NUP35: variants seen among roughly 807,000 people sequenced by gnomAD.
The protein encoded by NUP35 is nucleoporin 35, also known as nucleoporin NUP35.
Under a neutral mutation model 41.5 loss-of-function variants are expected in NUP35, and 25 were observed. The ratio of observed to expected loss-of-function variants is 0.60; its 90% CI spans 0.44 to 0.84. The LOEUF (loss-of-function observed/expected upper bound fraction) is 0.84, where lower values mean the gene tolerates loss of function less well. NUP35 is among the 40% of genes least tolerant of loss of function. The pLI is 0.00. For synonymous variants in NUP35, 149 were observed against 130.7 expected (o/e 1.14, Z -0.96); for missense variants, 396 against 396.6 (o/e 1.00, Z 0.01).
In NUP35 at chr2:183,151,522, A is replaced by G. The variant is rs1233813218; in HGVS notation, c.412A>G (p.Ser138Gly). 5 of 1,613,992 alleles carry G rather than the reference A, an allele frequency of 3.1e-6. No homozygotes were observed. In the Admixed American group the frequency reaches 6.7e-5, roughly 22 times the overall value. ...TACTAATATAGGGCAAAGTATGTTT[A>G]GTCCAGCAAGTATCGGTCAGCCACG... ...STPGTGQSMF[S>G]PASIGQPRKT... Residue 138 changes from serine (S) to glycine (G), a missense_variant, in exon 5 of 9, where the codon AGT (serine) becomes GGT (glycine). Ser to Gly is a moderately conservative substitution (Grantham distance 56, BLOSUM62 0). Transcript: ENST00000295119.
At chr2:183,124,101 A>G, upstream of NUP35, among the ~76,000 whole-genome samples, 1 of 152,196 alleles carries the variant, frequency 6.6e-6, no homozygotes, top group East Asian at 1.9e-4. Flanking sequence ...AGAAAAGCTG[A>G]CCGATGATAG....
chr2:183,131,510 TA>T, intron 3 of NUP35, among the ~76,000 whole-genome samples: 1 of 152,348 alleles, frequency 6.6e-6, no homozygotes, highest in Admixed American at 6.5e-5. Flanking sequence ...TCTGGCATAC[TA>T]GGCTTACTTG....
At chr2:183,128,764 C>T (rs1684592252) in intron 2 of NUP35, among the ~76,000 whole-genome samples, 1 of 151,306 alleles carries the variant, frequency 6.6e-6, no homozygotes, top group Non-Finnish European at 1.5e-5. Flanking sequence ...CAGCATTCAC[C>T]CTCATCAATA....
At chr2:183,154,463 A>G (rs947595687) in intron 5 of NUP35, among the ~76,000 whole-genome samples, 8 of 152,152 alleles carry the variant, frequency 5.3e-5, no homozygotes, top group Admixed American at 3.9e-4. Flanking sequence ...CTTCCACCAG[A>G]TACCTTAAAT....
intron 4 of NUP35, among the ~76,000 whole-genome samples, chr2:183,138,269 A>ATTTTTTT (rs147315571): frequency 1.0e-3 from 81 of 80,636 alleles, no homozygotes; most frequent in Non-Finnish European, 1.4e-3. Flanking sequence ...ATATATATAT[A>ATTTTTTT]TTTTTTTTTT....
At chr2:183,135,231 G>C (rs377418365) in intron 4 of NUP35, among the ~76,000 whole-genome samples, 1 of 152,156 alleles carries the variant, frequency 6.6e-6, no homozygotes, top group African/African-American at 2.4e-5. Flanking sequence ...GACATCATTT[G>C]GGGACCTACC....
At chr2:183,133,318 A>G (rs1325775377) in intron 3 of NUP35, among the ~76,000 whole-genome samples, 2 of 124,560 alleles carry the variant, frequency 1.6e-5, no homozygotes, top group African/African-American at 7.4e-5. Flanking sequence ...TTTACAGAAG[A>G]TAGTCTTTTT....
intron 4 of NUP35, among the ~76,000 whole-genome samples, chr2:183,134,772 C>T (rs1251688406): frequency 1.3e-5 from 2 of 150,988 alleles, no homozygotes; most frequent in Admixed American, 6.6e-5. Flanking sequence ...CTCGCCACTG[C>T]GCCTGGCTAA....
upstream of NUP35, chr2:183,123,755 G>A: frequency 1.0e-6 from 1 of 984,838 alleles, no homozygotes; most frequent in Non-Finnish European, 1.2e-6. Flanking sequence ...AAGCAGCAAA[G>A]TGAGGGGACG....
At chr2:183,157,354 G>A (rs188403907) in intron 5 of NUP35, 90 bp from the exon 6 acceptor site, 3 of 945,922 alleles carry the variant, frequency 3.2e-6, no homozygotes, top group Non-Finnish European at 5.2e-6. Flanking sequence ...ACAGTTGGGG[G>A]CCATTTATCT....
intron 8 of NUP35, 64 bp from the exon 9 acceptor site, chr2:183,160,990 G>A: frequency 8.2e-7 from 1 of 1,218,740 alleles, no homozygotes; most frequent in Non-Finnish European, 1.2e-6. Context: ...AGCAATTCTA[G>A]AATTGCCTAT....
chr2:183,122,979 C>T (rs923785897), upstream of NUP35, among the ~76,000 whole-genome samples: 10 of 152,248 alleles, frequency 6.6e-5, no homozygotes, highest in Non-Finnish European at 1.0e-4. Flanking sequence ...TCCTGGATTA[C>T]CTGGGTGGGT....
chr2:183,136,737 C>T (rs901605760), intron 4 of NUP35, among the ~76,000 whole-genome samples: 10 of 152,292 alleles, frequency 6.6e-5, no homozygotes, highest in Admixed American at 5.2e-4. Flanking sequence ...TCCTTCACGG[C>T]AGTACCTGGA....
intron 4 of NUP35, among the ~76,000 whole-genome samples, chr2:183,143,017 G>A (rs574985640): frequency 4.0e-4 from 61 of 151,680 alleles, no homozygotes; most frequent in South Asian, 4.0e-3. Context: ...TTAGCTGGGC[G>A]TGGTTGCAGG....
At chr2:183,137,861 A>G (rs1684934267) in intron 4 of NUP35, among the ~76,000 whole-genome samples, 1 of 152,060 alleles carries the variant, frequency 6.6e-6, no homozygotes, top group South Asian at 2.1e-4. Context: ...AGTTGACTGA[A>G]AAGCATACAT....
chr2:183,160,703 A>G (rs1251010954), intron 8 of NUP35: 2 of 154,762 alleles, frequency 1.3e-5, no homozygotes, highest in African/African-American at 4.8e-5. Context: ...TTTAAGAAAC[A>G]GATGTTATTT....
intron 8 of NUP35, 76 bp downstream of exon 8, chr2:183,159,728 T>G: frequency 1.7e-6 from 2 of 1,143,878 alleles, no homozygotes; most frequent in South Asian, 1.3e-5. Flanking sequence ...TTCATTGTAT[T>G]GATTTGTATG....
At chr2:183,140,470 C>T (rs930479390) in intron 4 of NUP35, among the ~76,000 whole-genome samples, 1 of 152,058 alleles carries the variant, frequency 6.6e-6, no homozygotes, top group Middle Eastern at 3.2e-3. Flanking sequence ...ACTATGCTAC[C>T]ATTGAGTGGT....
In NUP35 at chr2:183,159,580, T is replaced by G; in HGVS notation, c.831T>G (p.Pro277=). 6.2e-7 allele frequency: 1 copy of G among 1,613,574 alleles called. No homozygotes were observed. Among genetic ancestry groups the G allele is most frequent in the Non-Finnish European group, 8.5e-7 (1 of 1,179,672 alleles). Residue 277 remains proline, a synonymous_variant, in exon 8 of 9, where the codon CCT becomes CCG. Coordinates refer to ENST00000295119, the MANE Select transcript of NUP35 (RefSeq NM_138285.5). The part of the protein sequence containing the change: ...PIKTLGTPTQ[P]GSTPRISTMR... ...AAACTCTAGGTACACCAACACAACC[T>G]GGAAGTACTCCTAGGATTTCTACCA...
Sources: allele counts gnomAD v4.1 joint callset (sites outside exome capture counted in the v4.1 genomes callset), GRCh38; gene constraint gnomAD v4.1.1; transcripts MANE v1.5; gene names NCBI Gene and HGNC (gene_info 2026-07-23, HGNC 2026-07-21).